The following TMPRSS5 variants were observed in gnomAD, a reference collection of about 807,000 sequenced individuals.
TMPRSS5 encodes the protein transmembrane serine protease 5.
A neutral mutation model predicts 59.7 loss-of-function variants in TMPRSS5; 45 were observed. That is an observed-to-expected ratio of 0.75 (90% confidence interval 0.59 to 0.97). The LOEUF is 0.97. TMPRSS5 is among the 50% of genes least tolerant of loss of function. The pLI is 0.00. For synonymous variants in TMPRSS5, 225 were observed against 232.0 expected (o/e 0.97, Z 0.27); for missense variants, 585 against 596.7 (o/e 0.98, Z 0.20).
intron 7 of TMPRSS5, 65 bp from the exon 8 acceptor site, chr11:113,694,705 T>C (rs1952880603): frequency 2.1e-6 from 3 of 1,444,136 alleles, no homozygotes; most frequent in African/African-American, 1.4e-5. Context: ...GTCCTAACTC[T>C]CAGGAAGCGT....
intron 11 of TMPRSS5, 73 bp from the exon 12 acceptor site, chr11:113,689,990 A>G: frequency 2.1e-6 from 3 of 1,424,314 alleles, no homozygotes; most frequent in Non-Finnish European, 9.4e-7. Flanking sequence ...CCAGACCACT[A>G]TGGCAAGTGG....
At chr11:113,691,773 A>G (rs1028197547) in intron 9 of TMPRSS5, among the ~76,000 whole-genome samples, 1 of 151,082 alleles carries the variant, frequency 6.6e-6, no homozygotes, top group African/African-American at 2.4e-5. Flanking sequence ...TTTAAAAGAG[A>G]AATACTACTA....
chr11:113,704,359 GTCTC>G (rs1174090411), intron 1 of TMPRSS5, among the ~76,000 whole-genome samples: 2 of 152,098 alleles, frequency 1.3e-5, no homozygotes, highest in Non-Finnish European at 2.9e-5. Flanking sequence ...CGAGTATCTT[GTCTC>G]TCTCTGTTAT....
chr11:113,689,546 A>C (rs1952700925), intron 12 of TMPRSS5, among the ~76,000 whole-genome samples: 1 of 152,158 alleles, frequency 6.6e-6, no homozygotes, highest in Admixed American at 6.5e-5. Context: ...GATCTGGGAT[A>C]CAAACTCAGG....
chr11:113,694,202 G>A (rs562697817), intron 8 of TMPRSS5, among the ~76,000 whole-genome samples: 3 of 142,908 alleles, frequency 2.1e-5, no homozygotes, highest in Non-Finnish European at 3.0e-5. Context: ...CCAAGATTGC[G>A]CCACTGCACT....
intron 3 of TMPRSS5, among the ~76,000 whole-genome samples, 194 bp from the exon 4 acceptor site, chr11:113,699,221 CT>C (rs1565263379): frequency 3.0e-5 from 1 of 33,342 alleles, no homozygotes; most frequent in Admixed American, 3.4e-4. Flanking sequence ...GTCTCTCTCT[CT>C]CTCTCTCTCT....
chr11:113,697,107 CCAAA>C (rs2134807010), intron 5 of TMPRSS5, 136 bp from the exon 6 acceptor site: 1 of 1,216,476 alleles, frequency 8.2e-7, no homozygotes, highest in East Asian at 2.5e-5. Context: ...CAGTAATACT[CCAAA>C]CAGAGAAATG....
At chr11:113,705,231 C>T (rs998503254) in intron 1 of TMPRSS5, among the ~76,000 whole-genome samples, 1 of 152,158 alleles carries the variant, frequency 6.6e-6, no homozygotes, top group African/African-American at 2.4e-5. Context: ...ACGCCAAAAC[C>T]TCCCCAGTCA....
chr11:113,699,091 C>T, intron 3 of TMPRSS5, 64 bp from the exon 4 acceptor site: 1 of 1,556,802 alleles, frequency 6.4e-7, no homozygotes, highest in Non-Finnish European at 8.7e-7. Flanking sequence ...TGCTGACCTC[C>T]TCATCAGCCA....
chr11:113,689,676 C>T, intron 12 of TMPRSS5, 89 bp downstream of exon 12: 1 of 1,448,636 alleles, frequency 6.9e-7, no homozygotes, highest in Non-Finnish European at 9.4e-7. Flanking sequence ...CAGTCCCCAG[C>T]AGGGCCCGGG....
chr11:113,695,107 C>T (rs1034804774), intron 7 of TMPRSS5, among the ~76,000 whole-genome samples: 49 of 152,154 alleles, frequency 3.2e-4, no homozygotes, highest in African/African-American at 1.0e-3. Context: ...TGGGGCTTTC[C>T]AGAAGAAAGA....
intron 11 of TMPRSS5, 62 bp downstream of exon 11, chr11:113,690,169 G>C (rs2134781717): frequency 1.1e-6 from 1 of 904,012 alleles, no homozygotes; most frequent in Non-Finnish European, 1.7e-6. Flanking sequence ...GTCACAGCAG[G>C]CCCCCTGCCC....
intron 9 of TMPRSS5, among the ~76,000 whole-genome samples, chr11:113,692,289 C>T (rs979469778): frequency 2.6e-5 from 4 of 152,028 alleles, no homozygotes; most frequent in Admixed American, 6.6e-5. Flanking sequence ...CAGGTAATGA[C>T]GGGAGGAAGG....
chr11:113,704,728 T>C (rs1055552271), intron 1 of TMPRSS5, among the ~76,000 whole-genome samples: 4 of 152,102 alleles, frequency 2.6e-5, no homozygotes, highest in African/African-American at 9.7e-5. Flanking sequence ...CTTCCTTCTA[T>C]GCATACAGCA....
At chr11:113,692,997 A>T (rs980943534) in intron 9 of TMPRSS5, 74 bp downstream of exon 9, 8 of 1,296,792 alleles carry the variant, frequency 6.2e-6, no homozygotes, top group Admixed American at 2.0e-5. Flanking sequence ...AAATCAGCTC[A>T]CCACTCTCCC....
At chr11:113,692,886 C>G (rs1952821674) in intron 9 of TMPRSS5, among the ~76,000 whole-genome samples, 185 bp downstream of exon 9, 1 of 152,120 alleles carries the variant, frequency 6.6e-6, no homozygotes, top group Non-Finnish European at 1.5e-5. Context: ...AGAGCCTGTA[C>G]AAGAGTTGAT....
chr11:113,691,844 A>G (rs1035075448), intron 9 of TMPRSS5, among the ~76,000 whole-genome samples: 4 of 150,462 alleles, frequency 2.7e-5, no homozygotes, highest in Admixed American at 2.0e-4. Context: ...TTTTCTTTTA[A>G]ATACACTTAT....
chr11:113,689,935 G>T lies in TMPRSS5; in HGVS notation c.1207-18C>A, dbSNP rs773046922. On this transcript the variant is annotated intron_variant, in intron 11 of 12. Transcript: ENST00000299882. ...CTATCTCCCTAAGGGATCCAGGCAT[G>T]GAGACACAGAGAAACAGCCAGTTAG... 1 of 1,528,062 alleles carries T rather than the reference G, an allele frequency of 6.5e-7. No homozygotes were observed. Among genetic ancestry groups the T allele is most frequent in the Non-Finnish European group, 8.8e-7 (1 of 1,133,332 alleles). 94.7% of individuals were successfully genotyped at this position (1,528,062 alleles called of 1,614,324 possible).
chr11:113,703,700 T>C (rs1953205055), intron 1 of TMPRSS5, among the ~76,000 whole-genome samples: 1 of 152,218 alleles, frequency 6.6e-6, no homozygotes, highest in Non-Finnish European at 1.5e-5. Context: ...TCCCCTATGC[T>C]ATTCTCATGA....
Sources: gnomAD v4.1 joint callset for allele counts (sites outside exome capture counted in the v4.1 genomes callset) on GRCh38, gnomAD v4.1.1 for gene constraint, MANE v1.5 for transcripts, NCBI Gene and HGNC (gene_info 2026-07-23, HGNC 2026-07-21) for gene names.